Variants in DCDC2 observed in about 807,000 individuals in gnomAD.
The protein encoded by DCDC2 is doublecortin domain-containing protein 2.
In DCDC2, 40 loss-of-function variants were observed where a neutral mutation model predicts 50.2. The observed-to-expected ratio is 0.80, with a 90% confidence interval of 0.62 to 1.04. DCDC2 has a LOEUF of 1.04. Among genes scored for constraint, DCDC2 ranks in the 50% least tolerant of loss-of-function variants. DCDC2 has a pLI of 0.00. For missense variants in DCDC2, 570 were observed against 581.9 expected (o/e 0.98, Z 0.21); for synonymous variants, 234 against 210.6 (o/e 1.11, Z -0.96).
chr6:24,299,266 A>T (rs552835599), intron 4 of DCDC2, among the ~76,000 whole-genome samples: 1 of 152,154 alleles, frequency 6.6e-6, no homozygotes, highest in Non-Finnish European at 1.5e-5. Flanking sequence ...TATTCTCACT[A>T]GTAAGTGGGA....
chr6:24,194,800 A>G (rs903176299), intron 8 of DCDC2, among the ~76,000 whole-genome samples: 1 of 152,192 alleles, frequency 6.6e-6, no homozygotes, highest in Non-Finnish European at 1.5e-5. Context: ...TACACAAAAC[A>G]GGTTAGTTTT....
chr6:24,362,377 T>TACAATTATTTTTTATTTAATTGTATGTTG (rs1561790898), upstream of DCDC2, among the ~76,000 whole-genome samples: 6 of 34,276 alleles, frequency 1.8e-4, no homozygotes, highest in Non-Finnish European at 3.6e-4. Context: ...ATTGTATGTT[T>TACAATTATTTTTTATTTAATTGTATGTTG]ATACAATTAT....
intron 6 of DCDC2, among the ~76,000 whole-genome samples, chr6:24,287,521 A>T (rs925822852): frequency 6.6e-6 from 1 of 152,144 alleles, no homozygotes; most frequent in Non-Finnish European, 1.5e-5. Flanking sequence ...TGTAGATGAC[A>T]AAGATGCCTG....
At chr6:24,369,846 C>T in the DCDC2 span, among the ~76,000 whole-genome samples, 1 of 151,560 alleles carries the variant, frequency 6.6e-6, no homozygotes, top group Admixed American at 6.6e-5. Flanking sequence ...TTGAGACTAG[C>T]CTGGGCAATG....
intron 2 of DCDC2, among the ~76,000 whole-genome samples, chr6:24,337,802 A>AG (rs1007687879): frequency 6.6e-6 from 1 of 151,614 alleles, no homozygotes; most frequent in African/African-American, 2.4e-5. Context: ...CGTCTCAAAA[A>AG]AAAAAAAAAA....
At chr6:24,199,125 G>A (rs1187495710) in intron 8 of DCDC2, among the ~76,000 whole-genome samples, 2 of 152,238 alleles carry the variant, frequency 1.3e-5, no homozygotes, top group Non-Finnish European at 2.9e-5. Context: ...TCTGAAGAGA[G>A]CAGTGGATCT....
chr6:24,348,487 T>C lies in DCDC2; in HGVS notation c.348+5082A>G, dbSNP rs185493611. Among the ~76,000 whole-genome samples the C allele has an allele frequency of 1.8e-4, 28 of 152,320 alleles. No homozygotes were observed. The South Asian group carries it at 4.6e-3, about 25-fold the overall frequency. On this transcript the variant is annotated intron_variant, in intron 2 of 9. Coordinates refer to ENST00000378454, the MANE Select transcript of DCDC2 (RefSeq NM_016356.5). ...GAAACAATGTTTCCTGTTAATTTTA[T>C]AGTTGGCTTTAAATGTGTCTATCCT...
At chr6:24,362,977 G>T (rs557797990), upstream of DCDC2, among the ~76,000 whole-genome samples, 80 of 152,166 alleles carry the variant, frequency 5.3e-4, no homozygotes, top group Non-Finnish European at 8.4e-4. Context: ...TAAGAAGCCA[G>T]AAAGGTTAGA....
At chr6:24,197,378 T>C (rs1761468420) in intron 8 of DCDC2, among the ~76,000 whole-genome samples, 1 of 152,244 alleles carries the variant, frequency 6.6e-6, no homozygotes, top group African/African-American at 2.4e-5. Flanking sequence ...CTAATAAGGC[T>C]ATGATTTTCT....
At chr6:24,376,711 A>G in the DCDC2 span, among the ~76,000 whole-genome samples, 1 of 144,436 alleles carries the variant, frequency 6.9e-6, no homozygotes, top group Non-Finnish European at 1.5e-5. Flanking sequence ...GGTTTGAGAC[A>G]TGAAAGTGAG....
the DCDC2 span, among the ~76,000 whole-genome samples, chr6:24,375,238 C>T: frequency 6.6e-6 from 1 of 152,242 alleles, no homozygotes; most frequent in East Asian, 1.9e-4. Flanking sequence ...CCCTGAAAAC[C>T]ATATGCCCAG....
intron 2 of DCDC2, among the ~76,000 whole-genome samples, chr6:24,340,385 A>T (rs1760133025): frequency 6.6e-6 from 1 of 152,224 alleles, no homozygotes; most frequent in South Asian, 2.1e-4. Context: ...AGTACCGGCT[A>T]GCGGAAGGGC....
intron 7 of DCDC2, among the ~76,000 whole-genome samples, chr6:24,229,756 T>C (rs1188524372): frequency 6.6e-6 from 1 of 152,164 alleles, no homozygotes; most frequent in Non-Finnish European, 1.5e-5. Flanking sequence ...ACACTGTAAA[T>C]GTTTATGCTT....
At chr6:24,239,766 TAGA>T (rs1040073887) in intron 7 of DCDC2, among the ~76,000 whole-genome samples, 1 of 152,254 alleles carries the variant, frequency 6.6e-6, no homozygotes, top group African/African-American at 2.4e-5. Context: ...GCCAAGGGTC[TAGA>T]AGAATTAGAG....
At chr6:24,226,143 T>C (rs1278922178) in intron 7 of DCDC2, among the ~76,000 whole-genome samples, 1 of 150,836 alleles carries the variant, frequency 6.6e-6, no homozygotes, top group Non-Finnish European at 1.5e-5. Context: ...TAAACATCCA[T>C]TGATTCATAA....
intron 2 of DCDC2, among the ~76,000 whole-genome samples, chr6:24,333,721 T>C (rs1274402420): frequency 6.6e-6 from 1 of 152,192 alleles, no homozygotes; most frequent in African/African-American, 2.4e-5. Context: ...AGGATCAGAT[T>C]AGTGTTTCCA....
the DCDC2 span, among the ~76,000 whole-genome samples, chr6:24,374,576 C>CTAAAA: frequency 1.2e-3 from 1 of 864 alleles, no homozygotes; most frequent in African/African-American, 3.3e-3. Context: ...AAGACTCCAT[C>CTAAAA]CAAAAAAAAA....
intron 7 of DCDC2, among the ~76,000 whole-genome samples, chr6:24,277,154 A>T (rs1763377345): frequency 6.6e-6 from 1 of 152,078 alleles, no homozygotes; most frequent in African/African-American, 2.4e-5. Flanking sequence ...AACTCTTCAT[A>T]TCGACTTTGA....
intron 7 of DCDC2, among the ~76,000 whole-genome samples, chr6:24,274,097 C>T (rs1763298010): frequency 6.6e-6 from 1 of 152,310 alleles, no homozygotes; most frequent in Middle Eastern, 3.4e-3. Flanking sequence ...CTTTTTAATG[C>T]TTTGCCTTGA....
Sources: gnomAD v4.1 joint callset for allele counts (sites outside exome capture counted in the v4.1 genomes callset) on GRCh38, gnomAD v4.1.1 for gene constraint, MANE v1.5 for transcripts, NCBI Gene and HGNC (gene_info 2026-07-23, HGNC 2026-07-21) for gene names.